TCL1B: variants seen among roughly 807,000 people sequenced by gnomAD.
TCL1B encodes TCL1 family AKT coactivator B.
Under a neutral mutation model 16.9 loss-of-function variants are expected in TCL1B, and 14 were observed. That is an observed-to-expected ratio of 0.83 (90% confidence interval 0.55 to 1.30). TCL1B has a LOEUF of 1.30. Among genes scored for constraint, TCL1B ranks in the 50% most tolerant of loss-of-function variants. The probability of loss-of-function intolerance (pLI) is 0.00; values close to 1 mark genes in which losing one functional copy is unlikely to be tolerated. For missense variants in TCL1B, 166 were observed against 165.2 expected, an observed-to-expected ratio of 1.00 and a Z score of -0.03; for synonymous variants, 79 against 66.6, an observed-to-expected ratio of 1.19 and a Z score of -0.91.
chr14:95,687,417 G>T lies in TCL1B; in HGVS notation c.162+788G>T, dbSNP rs116581507. ...CAAGTCCCTGATAGAAAATGACCTG[G>T]GTAGTAATTACATATAACCTCAGCG... On this transcript the variant is annotated intron_variant, in intron 1 of 3. Coordinates refer to ENST00000340722, the MANE Select transcript of TCL1B (RefSeq NM_004918.4). Among the ~76,000 whole-genome samples, 1,173 of 152,184 alleles carry T rather than the reference G, an allele frequency of 7.7e-3. 16 individuals are homozygous for T. The highest frequency in any genetic ancestry group is 0.027 in the African/African-American group (1,113 of 41,494).
chr14:95,691,172 C>CCTGCCTGCTGCTG, intron 2 of TCL1B, 96 bp from the exon 3 acceptor site: 1 of 1,438,154 alleles, frequency 7.0e-7, no homozygotes. Context: ...CTGCCTCACC[C>CCTGCCTGCTGCTG]CTGCCTGCTG....
In TCL1B at chr14:95,686,596, T is replaced by G. The variant is rs772355038; in HGVS notation, c.129T>G (p.Arg43=). 6.2e-7 allele frequency: 1 copy of G among 1,612,756 alleles called. No individual in the cohort carries two copies. Among genetic ancestry groups the G allele is most frequent in the East Asian group, 2.2e-5 (1 of 44,834 alleles). Residue 43 remains arginine (R), a synonymous_variant, in exon 1 of 4, where the codon CGT becomes CGG. Coordinates refer to ENST00000340722, the MANE Select transcript of TCL1B (RefSeq NM_004918.4). The part of the protein sequence containing the change: ...VTVVVRFNPS[R]REWARASQGS... Reference sequence around the variant, plus strand: ...TGGTCGTGCGGTTCAATCCCTCGCGTAGGGAATGGGCCAGGGCCTCCCAGG... The same window carrying G: ...TGGTCGTGCGGTTCAATCCCTCGCGGAGGGAATGGGCCAGGGCCTCCCAGG...
intron 2 of TCL1B, 68 bp from the exon 3 acceptor site, chr14:95,691,200 G>T: frequency 6.4e-7 from 1 of 1,555,038 alleles, no homozygotes; most frequent in Admixed American, 1.8e-5. Flanking sequence ...CAGCCTGCAT[G>T]GGCGGCCGTT....
chr14:95,689,103 G>T (rs544007068), intron 1 of TCL1B, among the ~76,000 whole-genome samples: 1 of 152,000 alleles, frequency 6.6e-6, no homozygotes, highest in South Asian at 2.1e-4. Flanking sequence ...TGGCTAACAC[G>T]GTGAAACCCC....
At chr14:95,687,174 C>T (rs1461415184) in intron 1 of TCL1B, among the ~76,000 whole-genome samples, 1 of 152,200 alleles carries the variant, frequency 6.6e-6, no homozygotes, top group South Asian at 2.1e-4. Context: ...AAGCATTTGA[C>T]TGATAACAGA....
At position 95,686,453 on chromosome 14, in the gene TCL1B, G is replaced by T; in HGVS notation, c.-15G>T. 1 of 1,576,840 alleles carries T rather than the reference G, an allele frequency of 6.3e-7. No homozygotes were observed. Among genetic ancestry groups the T allele is most frequent in the Non-Finnish European group, 8.6e-7 (1 of 1,163,046 alleles). ...ACGTGTGAGCCTAGAGGCGGGTCCCGGTTGCAGACTTGCCATGGCCTCCGA... is the reference window on the plus strand; with the variant it reads ...ACGTGTGAGCCTAGAGGCGGGTCCCTGTTGCAGACTTGCCATGGCCTCCGA... On this transcript the variant is annotated 5_prime_UTR_variant, in exon 1 of 4. Transcript: ENST00000340722.
Position 95,686,538 on chromosome 14 carries a change from A to T in TCL1B, c.71A>T (p.Tyr24Phe), listed in dbSNP as rs1370294722. ...CTGTGGATCCAGAGGCCTGGCATCTACGAAGATGAGGAGGGGAGAACCTGG... is the reference window on the plus strand; with the variant it reads ...CTGTGGATCCAGAGGCCTGGCATCTTCGAAGATGAGGAGGGGAGAACCTGG... Reference protein sequence around the residue: ...GRLWIQRPGIYEDEEGRTWVT... With the variant: ...GRLWIQRPGIFEDEEGRTWVT... Residue 24 changes from tyrosine (Y) to phenylalanine (F), a missense_variant, in exon 1 of 4, where the codon TAC (tyrosine) becomes TTC (phenylalanine). Coordinates refer to ENST00000340722, the MANE Select transcript of TCL1B (RefSeq NM_004918.4). 1 of 1,613,670 alleles carries T rather than the reference A, an allele frequency of 6.2e-7. No individual in the cohort carries two copies.
intron 1 of TCL1B, among the ~76,000 whole-genome samples, chr14:95,690,196 C>G (rs193166033): frequency 3.3e-5 from 5 of 152,288 alleles, no homozygotes; most frequent in African/African-American, 9.6e-5. Flanking sequence ...GAGACAGAGT[C>G]TCATTATGTT....
rs1283811818 is a variant in TCL1B at position 95,690,746 on chromosome 14, G to C, written c.173G>C (p.Ser58Thr). 2 of 1,613,068 alleles carry C rather than the reference G, an allele frequency of 1.2e-6. No homozygotes were observed. The highest frequency in any genetic ancestry group is 4.5e-5 in the East Asian group (2 of 44,816). The change falls in exon 2 of 4, where the codon AGC (serine) becomes ACC (threonine). Residue 58 changes from serine (S) to threonine (T), a missense_variant. Coordinates refer to ENST00000340722, the MANE Select transcript of TCL1B (RefSeq NM_004918.4). ...TTCTGGTCCCTTCAGTATGAACCCA[G>C]CATCACAGTGCACTTGTGGCAGATG... ...RASQGSRYEP[S>T]ITVHLWQMAV... is the part of the protein sequence containing the mutation.
intron 1 of TCL1B, among the ~76,000 whole-genome samples, chr14:95,689,092 CT>C (rs1170712863): frequency 1.3e-5 from 2 of 152,108 alleles, no homozygotes; most frequent in East Asian, 1.9e-4. Flanking sequence ...CGAGACCATC[CT>C]GGCTAACACG....
chr14:95,687,143 C>T (rs1340055810), intron 1 of TCL1B, among the ~76,000 whole-genome samples: 1 of 152,214 alleles, frequency 6.6e-6, no homozygotes, highest in Admixed American at 6.5e-5. Context: ...ATACATGGCT[C>T]ACCGCCTGAA....
At chr14:95,691,882 GC>G (rs1249660116) in intron 3 of TCL1B, 48 bp from the exon 4 acceptor site, 1 of 153,110 alleles carries the variant, frequency 6.5e-6, no homozygotes, top group Non-Finnish European at 1.5e-5. Flanking sequence ...TGGATGGGGT[GC>G]CGGGCTCCCC....
At chr14:95,687,179 A>T (rs1937554964) in intron 1 of TCL1B, among the ~76,000 whole-genome samples, 1 of 152,198 alleles carries the variant, frequency 6.6e-6, no homozygotes, top group Non-Finnish European at 1.5e-5. Flanking sequence ...TTTGACTGAT[A>T]ACAGATTCTG....
chr14:95,691,192 G>A (rs1595341599), intron 2 of TCL1B, 76 bp from the exon 3 acceptor site: 1 of 1,531,646 alleles, frequency 6.5e-7, no homozygotes, highest in East Asian at 2.3e-5. Context: ...GCTGCTGCCA[G>A]CCTGCATGGG....
chr14:95,688,959 A>G (rs764545946), intron 1 of TCL1B, among the ~76,000 whole-genome samples: 7 of 152,106 alleles, frequency 4.6e-5, no homozygotes, highest in Non-Finnish European at 1.0e-4. Context: ...ACGGTTCCAC[A>G]TGTCAATGCA....
chr14:95,691,743 G>A (rs916892701), intron 3 of TCL1B, 188 bp from the exon 4 acceptor site: 2 of 189,274 alleles, frequency 1.1e-5, no homozygotes, highest in African/African-American at 4.7e-5. Flanking sequence ...CCGTGTGACG[G>A]TGGCCTTGGA....
At position 95,691,065 on chromosome 14, in the gene TCL1B, C is replaced by T. The variant is rs560361630; in HGVS notation, c.333+159C>T. ...GAGGCCTGAGTGTGTGTGGGTGGAT[C>T]GGTGCATGAGTTCCCATGTGGGATG... On this transcript the variant is annotated intron_variant, in intron 2 of 3. Coordinates refer to ENST00000340722, the MANE Select transcript of TCL1B (RefSeq NM_004918.4). Among the ~76,000 whole-genome samples the T allele has an allele frequency of 4.6e-3, 699 of 152,336 alleles. 2 individuals carry two copies. The highest frequency in any genetic ancestry group is 8.4e-3 in the Non-Finnish European group (570 of 68,034).
chr14:95,692,140 G>T lies in TCL1B; in HGVS notation c.*225G>T. ...GGTCTGTACTTAGGGCAGCTGGCCT[G>T]GATGGGCTTCACTGGGGCCCTGTCT... On this transcript the variant is annotated 3_prime_UTR_variant, in exon 4 of 4. Transcript: ENST00000340722. 1 of 152,922 alleles carries T rather than the reference G, an allele frequency of 6.5e-6. No homozygotes were observed. The highest frequency in any genetic ancestry group is 1.5e-5 in the Non-Finnish European group (1 of 68,548). 9.5% of individuals were successfully genotyped at this position (152,922 alleles called of 1,614,324 possible). A position where few individuals can be genotyped will look rare whatever the true frequency, so the allele number is the denominator to read the frequency against.
At chr14:95,689,414 T>C (rs1052659407) in intron 1 of TCL1B, 2 of 152,114 alleles carry the variant, frequency 1.3e-5, no homozygotes, top group Non-Finnish European at 2.9e-5. Flanking sequence ...TTAGTAAGTA[T>C]TTTTTCCCCT....
Sources: allele counts gnomAD v4.1 joint callset (sites outside exome capture counted in the v4.1 genomes callset), GRCh38; gene constraint gnomAD v4.1.1; transcripts MANE v1.5; gene names NCBI Gene and HGNC (gene_info 2026-07-23, HGNC 2026-07-21).